GPR158: variants seen among roughly 807,000 people sequenced by gnomAD.
GPR158 encodes metabotropic glycine receptor.
GPR158 carries 30 observed loss-of-function variants against 78.2 expected under a neutral mutation model. The observed-to-expected ratio is 0.38, with a 90% CI of 0.29 to 0.52. The LOEUF is 0.52. GPR158 is among the 20% of genes least tolerant of loss of function. The pLI is 0.83. For synonymous variants in GPR158, 581 were observed against 591.1 expected, an observed-to-expected ratio of 0.98 and a Z score of 0.25; for missense variants, 1,463 against 1,523.5, an observed-to-expected ratio of 0.96 and a Z score of 0.66.
chr10:25,376,612 A>G (rs1043164496), intron 2 of GPR158, among the ~76,000 whole-genome samples: 2 of 151,716 alleles, frequency 1.3e-5, no homozygotes, highest in Non-Finnish European at 3.0e-5. Context: ...TGCAGCTTCA[A>G]ACTTTTATCT....
chr10:25,223,321 C>T (rs1474694361), intron 2 of GPR158, among the ~76,000 whole-genome samples: 1 of 152,128 alleles, frequency 6.6e-6, no homozygotes, highest in African/African-American at 2.4e-5. Context: ...TTTCATTGCC[C>T]AGGTACTGGA....
intron 1 of GPR158, among the ~76,000 whole-genome samples, chr10:25,200,621 T>C (rs1852909600): frequency 6.6e-6 from 1 of 152,176 alleles, no homozygotes; most frequent in East Asian, 1.9e-4. Flanking sequence ...CTTCCAGGGT[T>C]TTTATAGTCT....
At chr10:25,348,164 G>A (rs1855400751) in intron 2 of GPR158, among the ~76,000 whole-genome samples, 1 of 151,832 alleles carries the variant, frequency 6.6e-6, no homozygotes, top group Non-Finnish European at 1.5e-5. Context: ...CTTCAGAATT[G>A]TGATGTATGA....
At chr10:25,230,379 G>A (rs1341798982) in intron 2 of GPR158, among the ~76,000 whole-genome samples, 2 of 152,172 alleles carry the variant, frequency 1.3e-5, no homozygotes, top group African/African-American at 4.8e-5. Flanking sequence ...TATCTGGAGA[G>A]GCTTATATTT....
At chr10:25,273,057 A>G (rs1187066198) in intron 2 of GPR158, among the ~76,000 whole-genome samples, 2 of 152,188 alleles carry the variant, frequency 1.3e-5, no homozygotes, top group Non-Finnish European at 2.9e-5. Context: ...TATAATCCAG[A>G]TACTCTAATA....
intron 2 of GPR158, among the ~76,000 whole-genome samples, chr10:25,348,071 G>A (rs899896710): frequency 2.8e-4 from 43 of 152,008 alleles, no homozygotes; most frequent in African/African-American, 9.6e-4. Context: ...CTATCACATA[G>A]GGATCTGGGC....
chr10:25,450,211 G>A lies in GPR158; in HGVS notation c.1336-16440G>A, dbSNP rs547658683. 1.4e-4 allele frequency among the ~76,000 whole-genome samples: 22 copies of A among 152,208 alleles called. No homozygotes were observed. The South Asian group carries it at 4.6e-3, about 32-fold the overall frequency. On this transcript the variant is annotated intron_variant, in intron 4 of 10. Coordinates refer to ENST00000376351, the MANE Select transcript of GPR158 (RefSeq NM_020752.3). Reference sequence around the variant, plus strand: ...GGTGAGGAACAAGAGGATCTCTGCAGCCCTATGGTGGGGAGCAGCTGCATG... The same window carrying A: ...GGTGAGGAACAAGAGGATCTCTGCAACCCTATGGTGGGGAGCAGCTGCATG...
At chr10:25,399,759 T>C (rs1263662292) in intron 3 of GPR158, among the ~76,000 whole-genome samples, 1 of 152,188 alleles carries the variant, frequency 6.6e-6, no homozygotes, top group Non-Finnish European at 1.5e-5. Flanking sequence ...GAAGAACTAC[T>C]CAATATTTTT....
intron 3 of GPR158, among the ~76,000 whole-genome samples, chr10:25,399,475 C>T (rs1834412015): frequency 1.3e-5 from 2 of 152,074 alleles, no homozygotes; most frequent in African/African-American, 4.8e-5. Context: ...GAATCTAATG[C>T]CTGATGGTCT....
At chr10:25,223,861 T>TAG (rs1390288991) in intron 2 of GPR158, among the ~76,000 whole-genome samples, 1 of 152,162 alleles carries the variant, frequency 6.6e-6, no homozygotes, top group Non-Finnish European at 1.5e-5. Context: ...CAGTAAACAA[T>TAG]AGAGAAAGTT....
chr10:25,600,404 A>G lies in GPR158; in HGVS notation c.*1130A>G, dbSNP rs541775990. 2 of 152,560 alleles carry G rather than the reference A, an allele frequency of 1.3e-5. No individual in the cohort carries two copies. The highest frequency in any genetic ancestry group is 4.8e-5 in the African/African-American group (2 of 41,556). 9.5% of individuals were successfully genotyped at this position (152,560 alleles called of 1,614,324 possible). On this transcript the variant is annotated 3_prime_UTR_variant, in exon 11 of 11. Transcript: ENST00000376351. ...CTAGGGATGACATAAGAATTATAGCAGTACTATAAACCCAGGAAGTTTGCC... is the reference window on the plus strand; with the variant it reads ...CTAGGGATGACATAAGAATTATAGCGGTACTATAAACCCAGGAAGTTTGCC...
chr10:25,477,324 A>G (rs1450976915), intron 5 of GPR158, among the ~76,000 whole-genome samples: 1 of 152,174 alleles, frequency 6.6e-6, no homozygotes, highest in Non-Finnish European at 1.5e-5. Flanking sequence ...GTTTATTTTC[A>G]TTGCTAAAAT....
At chr10:25,242,445 T>C (rs562235198) in intron 2 of GPR158, among the ~76,000 whole-genome samples, 1 of 152,334 alleles carries the variant, frequency 6.6e-6, no homozygotes, top group South Asian at 2.1e-4. Flanking sequence ...TAGAGAAAAC[T>C]AGATTGAAAG....
intron 1 of GPR158, among the ~76,000 whole-genome samples, chr10:25,200,982 G>A (rs1407296768): frequency 6.8e-6 from 1 of 147,872 alleles, no homozygotes. Context: ...GGATTGCCTT[G>A]GATATTTGGG....
intron 8 of GPR158, among the ~76,000 whole-genome samples, 180 bp downstream of exon 8, chr10:25,589,325 T>A (rs2130748169): frequency 6.6e-6 from 1 of 152,368 alleles, no homozygotes; most frequent in Middle Eastern, 3.4e-3. Flanking sequence ...CTGTTGTTCT[T>A]AGTTCCTTCG....
At chr10:25,181,544 G>C (rs1287014447) in intron 1 of GPR158, among the ~76,000 whole-genome samples, 2 of 152,182 alleles carry the variant, frequency 1.3e-5, no homozygotes, top group African/African-American at 4.8e-5. Flanking sequence ...CTTAGAGACA[G>C]AAGAAGTTGA....
chr10:25,506,159 T>G (rs1489022415), intron 5 of GPR158, among the ~76,000 whole-genome samples: 1 of 152,250 alleles, frequency 6.6e-6, no homozygotes, highest in East Asian at 1.9e-4. Context: ...TAGCCAGTTA[T>G]GGATCATTTT....
chr10:25,315,870 A>G (rs1192767512), intron 2 of GPR158, among the ~76,000 whole-genome samples: 1 of 152,086 alleles, frequency 6.6e-6, no homozygotes, highest in Admixed American at 6.6e-5. Flanking sequence ...CATCTGTCAG[A>G]TTTTAATTGT....
At chr10:25,367,641 C>T (rs1360341392) in intron 2 of GPR158, among the ~76,000 whole-genome samples, 1 of 121,946 alleles carries the variant, frequency 8.2e-6, no homozygotes, top group Non-Finnish European at 1.8e-5. Flanking sequence ...TAATTTATCT[C>T]AGTAAGGTGG....
Sources: allele counts gnomAD v4.1 joint callset (sites outside exome capture counted in the v4.1 genomes callset), GRCh38; gene constraint gnomAD v4.1.1; transcripts MANE v1.5; gene names NCBI Gene and HGNC (gene_info 2026-07-23, HGNC 2026-07-21).